The following NELL1 variants were observed in gnomAD, a reference collection of about 807,000 sequenced individuals.
NELL1 encodes neural EGFL like 1.
In NELL1, 76 loss-of-function variants were observed where a neutral mutation model predicts 107.4. The ratio of observed to expected loss-of-function variants is 0.71; its 90% CI spans 0.59 to 0.86. NELL1 has a LOEUF of 0.86. Among genes scored for constraint, NELL1 ranks in the 40% least tolerant of loss-of-function variants. The probability of loss-of-function intolerance (pLI) is 0.00; values close to 1 mark genes in which losing one functional copy is unlikely to be tolerated. For missense variants in NELL1, 1,024 were observed against 1,005.5 expected, an observed-to-expected ratio of 1.02 and a Z score of -0.25; for synonymous variants, 353 against 341.2, an observed-to-expected ratio of 1.03 and a Z score of -0.38.
At chr11:21,521,879 C>T (rs1001365507) in intron 15 of NELL1, among the ~76,000 whole-genome samples, 8 of 152,248 alleles carry the variant, frequency 5.3e-5, no homozygotes, top group Admixed American at 3.3e-4. Context: ...TTTTCATATA[C>T]TTTTGGTCAT....
intron 4 of NELL1, among the ~76,000 whole-genome samples, chr11:20,863,314 A>AGG (rs1849018956): frequency 8.0e-6 from 1 of 124,738 alleles, no homozygotes; most frequent in South Asian, 3.0e-4. Flanking sequence ...CTGGCCAGGC[A>AGG]GGGGCTGTTC....
At chr11:21,108,204 G>A (rs1467478552) in intron 12 of NELL1, among the ~76,000 whole-genome samples, 1 of 152,098 alleles carries the variant, frequency 6.6e-6, no homozygotes, top group Admixed American at 6.6e-5. Flanking sequence ...AGAAGTCTGA[G>A]TAGATCATAT....
At chr11:21,220,127 A>C (rs1035211677) in intron 13 of NELL1, among the ~76,000 whole-genome samples, 4 of 152,210 alleles carry the variant, frequency 2.6e-5, no homozygotes, top group African/African-American at 9.6e-5. Flanking sequence ...ACAATTCGAC[A>C]TGAGGTTTGG....
intron 17 of NELL1, among the ~76,000 whole-genome samples, chr11:21,569,144 T>C (rs895327098): frequency 6.6e-6 from 1 of 151,802 alleles, no homozygotes; most frequent in Admixed American, 6.6e-5. Flanking sequence ...ATTAAAATTA[T>C]ATAAGACCAC....
chr11:21,510,288 G>A (rs11601429), intron 15 of NELL1, among the ~76,000 whole-genome samples: 24,465 of 152,200 alleles, frequency 0.16, 2,037 homozygotes, highest in Admixed American at 0.17. Flanking sequence ...CAAACATCAT[G>A]AATAATCATG....
At chr11:21,362,279 C>T (rs148625140) in intron 14 of NELL1, among the ~76,000 whole-genome samples, 1 of 152,114 alleles carries the variant, frequency 6.6e-6, no homozygotes, top group East Asian at 1.9e-4. Context: ...GTTCTAGCCA[C>T]CCAGCAGAGC....
At chr11:21,370,769 G>T (rs769891595) in intron 14 of NELL1, 84 bp from the exon 15 acceptor site, 37 of 1,018,500 alleles carry the variant, frequency 3.6e-5, no homozygotes, top group Non-Finnish European at 5.2e-5. Flanking sequence ...AACAAAGAAA[G>T]AATTGCTTCA....
At chr11:20,743,978 G>T (rs60197003) in intron 2 of NELL1, among the ~76,000 whole-genome samples, 1 of 152,192 alleles carries the variant, frequency 6.6e-6, no homozygotes, top group South Asian at 2.1e-4. Context: ...TCAGGCCCAA[G>T]ATTTAGGGGC....
At position 21,570,815 on chromosome 11, in the gene NELL1, G is replaced by C. The variant is rs1857083419; in HGVS notation, c.2032G>C (p.Ala678Pro). 1 of 1,611,756 alleles carries C rather than the reference G, an allele frequency of 6.2e-7. No homozygotes were observed. The highest frequency in any genetic ancestry group is 8.5e-7 in the Non-Finnish European group (1 of 1,178,586). Residue 678 changes from alanine to proline, a missense_variant, in exon 18 of 20, where the codon GCT becomes CCT. By Grantham distance (27) the Ala-to-Pro change is conservative. Transcript: ENST00000357134. ...AGCTTGTGATTGCCAGAATCCAAGTGCTGACCTATTCTGTTGCCCAGAATG... is the reference window on the plus strand; with the variant it reads ...AGCTTGTGATTGCCAGAATCCAAGTCCTGACCTATTCTGTTGCCCAGAATG... ...RTACDCQNPS[A>P]DLFCCPECDT...
At chr11:21,449,823 T>C (rs1045555721) in intron 15 of NELL1, among the ~76,000 whole-genome samples, 17 of 152,218 alleles carry the variant, frequency 1.1e-4, no homozygotes, top group African/African-American at 4.1e-4. Flanking sequence ...CCTTTCTCTA[T>C]TGAACTGCCT....
chr11:21,035,560 G>T (rs142065446), intron 12 of NELL1, among the ~76,000 whole-genome samples: 1 of 150,740 alleles, frequency 6.6e-6, no homozygotes, highest in African/African-American at 2.4e-5. Flanking sequence ...TTTTTCCCTC[G>T]AACGCAAGCT....
chr11:21,038,699 A>G (rs1853155244), intron 12 of NELL1, among the ~76,000 whole-genome samples: 1 of 152,102 alleles, frequency 6.6e-6, no homozygotes, highest in Non-Finnish European at 1.5e-5. Flanking sequence ...GAACACACTG[A>G]GATATAATTT....
intron 11 of NELL1, among the ~76,000 whole-genome samples, chr11:20,951,351 C>T (rs1384051795): frequency 6.6e-6 from 1 of 151,918 alleles, no homozygotes; most frequent in Non-Finnish European, 1.5e-5. Context: ...GTTACTGTCC[C>T]CCACCCCACA....
At chr11:21,268,997 G>A (rs1848687976) in intron 14 of NELL1, among the ~76,000 whole-genome samples, 1 of 152,102 alleles carries the variant, frequency 6.6e-6, no homozygotes, top group African/African-American at 2.4e-5. Context: ...GAAAAAATCT[G>A]TAGCAGACAT....
intron 12 of NELL1, among the ~76,000 whole-genome samples, chr11:20,968,726 A>C (rs1851435146): frequency 6.6e-6 from 1 of 152,336 alleles, no homozygotes; most frequent in South Asian, 2.1e-4. Flanking sequence ...CCAGCTTAAC[A>C]CGTGGCTCCC....
At chr11:21,272,270 C>T (rs376668340) in intron 14 of NELL1, among the ~76,000 whole-genome samples, 7 of 152,320 alleles carry the variant, frequency 4.6e-5, no homozygotes, top group South Asian at 4.1e-4. Flanking sequence ...ACCCCTGGCT[C>T]GGAGGGCCCT....
At chr11:21,048,484 T>G (rs1301020586) in intron 12 of NELL1, among the ~76,000 whole-genome samples, 1 of 152,192 alleles carries the variant, frequency 6.6e-6, no homozygotes, top group East Asian at 1.9e-4. Flanking sequence ...TTTGTTCCTT[T>G]TACAATCCTC....
intron 15 of NELL1, among the ~76,000 whole-genome samples, chr11:21,515,987 G>A (rs763305851): frequency 1.2e-4 from 18 of 152,176 alleles, no homozygotes; most frequent in Admixed American, 6.5e-5. Context: ...AGACATACTT[G>A]TTTCTACATC....
At chr11:21,542,087 G>A (rs1315943270) in intron 16 of NELL1, among the ~76,000 whole-genome samples, 2 of 151,992 alleles carry the variant, frequency 1.3e-5, no homozygotes, top group Middle Eastern at 3.2e-3. Context: ...TTCATTAACC[G>A]AACAACTACA....
Sources: allele counts gnomAD v4.1 joint callset (sites outside exome capture counted in the v4.1 genomes callset), GRCh38; gene constraint gnomAD v4.1.1; transcripts MANE v1.5; gene names NCBI Gene and HGNC (gene_info 2026-07-23, HGNC 2026-07-21).